MAN2A1: variants seen among roughly 807,000 people sequenced by gnomAD.
MAN2A1 encodes alpha-mannosidase 2.
A neutral mutation model predicts 142.6 loss-of-function variants in MAN2A1; 76 were observed. That is an observed-to-expected ratio of 0.53 (90% confidence interval 0.44 to 0.65). The LOEUF (loss-of-function observed/expected upper bound fraction) is 0.65. Among genes scored for constraint, MAN2A1 ranks in the 30% least tolerant of loss-of-function variants. The pLI, the probability that MAN2A1 is intolerant of heterozygous loss-of-function variation, is 0.00. For missense variants in MAN2A1, 1,311 were observed against 1,365.1 expected, an observed-to-expected ratio of 0.96 and a Z score of 0.62; for synonymous variants, 559 against 473.2, an observed-to-expected ratio of 1.18 and a Z score of -2.35.
chr5:109,709,640 C>A (rs1375579339), intron 1 of MAN2A1, among the ~76,000 whole-genome samples: 1 of 152,174 alleles, frequency 6.6e-6, no homozygotes, highest in African/African-American at 2.4e-5. Flanking sequence ...TGAGTGGTAA[C>A]TGAGCCTGTT....
rs978924831 is a variant in MAN2A1, at chr5:109,855,394, G to T, written c.3171+60G>T. On this transcript the variant is annotated intron_variant, in intron 20 of 21. Coordinates refer to ENST00000261483, the MANE Select transcript of MAN2A1 (RefSeq NM_002372.4). ...GTTTATTATGTACTTGTTTTAAGGG[G>T]GTAAGGAAAGGAGAAAAAAATAATG... 5.6e-6 allele frequency: 6 copies of T among 1,078,536 alleles called. No homozygotes were observed. The African/African-American group carries it at 8.2e-5, about 15-fold the overall frequency. The allele number at this position is 1,078,536 out of a possible 1,614,324, so 66.8% of individuals were successfully genotyped here.
intron 18 of MAN2A1, among the ~76,000 whole-genome samples, chr5:109,846,687 A>G (rs1032933178): frequency 2.0e-5 from 3 of 152,220 alleles, no homozygotes; most frequent in Non-Finnish European, 2.9e-5. Context: ...TGAAGGAGCC[A>G]GATAATAACT....
chr5:109,766,886 A>G (rs1477792612), intron 5 of MAN2A1, among the ~76,000 whole-genome samples: 1 of 152,152 alleles, frequency 6.6e-6, no homozygotes, highest in Non-Finnish European at 1.5e-5. Context: ...ATTGAGATAT[A>G]TCTTTAGTCA....
At chr5:109,846,123 CT>C in intron 18 of MAN2A1, 117 bp downstream of exon 18, 1 of 907,200 alleles carries the variant, frequency 1.1e-6, no homozygotes. Flanking sequence ...TTCTTTTCAG[CT>C]TTTTTCTTTC....
At chr5:109,818,148 T>G (rs1754519391) in intron 13 of MAN2A1, among the ~76,000 whole-genome samples, 1 of 152,046 alleles carries the variant, frequency 6.6e-6, no homozygotes, top group Non-Finnish European at 1.5e-5. Flanking sequence ...TTATTATTAT[T>G]ATTATTTTTG....
chr5:109,801,760 CAGTT>C (rs1298362073), intron 12 of MAN2A1, among the ~76,000 whole-genome samples: 1 of 152,084 alleles, frequency 6.6e-6, no homozygotes, highest in Non-Finnish European at 1.5e-5. Context: ...CAAGACTTAT[CAGTT>C]AGGAAAATCA....
At chr5:109,785,920 A>G (rs1245119091) in intron 10 of MAN2A1, among the ~76,000 whole-genome samples, 1 of 152,146 alleles carries the variant, frequency 6.6e-6, no homozygotes, top group African/African-American at 2.4e-5. Flanking sequence ...AAGCGTATAC[A>G]ACACATAAAA....
At chr5:109,778,245 A>G (rs1306963447) in intron 8 of MAN2A1, among the ~76,000 whole-genome samples, 1 of 151,964 alleles carries the variant, frequency 6.6e-6, no homozygotes, top group Non-Finnish European at 1.5e-5. Context: ...GTATCCAGTA[A>G]CTTTGTTAAA....
At chr5:109,751,949 CTTCTT>C (rs1336278817) in intron 4 of MAN2A1, among the ~76,000 whole-genome samples, 1 of 151,994 alleles carries the variant, frequency 6.6e-6, no homozygotes, top group Non-Finnish European at 1.5e-5. Context: ...TAAACTTACT[CTTCTT>C]TTTCACTTAA....
intron 12 of MAN2A1, among the ~76,000 whole-genome samples, chr5:109,799,524 GC>G (rs1753957940): frequency 1.3e-5 from 2 of 152,144 alleles, no homozygotes; most frequent in African/African-American, 4.8e-5. Flanking sequence ...GGAGGCCAAG[GC>G]GGGCAGATCA....
chr5:109,729,285 G>T, intron 3 of MAN2A1, 57 bp from the exon 4 acceptor site: 2 of 1,106,458 alleles, frequency 1.8e-6, no homozygotes, highest in Non-Finnish European at 2.6e-6. Context: ...GAATGTGACT[G>T]AGTTGAAATC....
At chr5:109,741,996 C>T (rs1752280935) in intron 4 of MAN2A1, among the ~76,000 whole-genome samples, 1 of 152,128 alleles carries the variant, frequency 6.6e-6, no homozygotes, top group Non-Finnish European at 1.5e-5. Context: ...TTAGGCTTCA[C>T]ATTTGAATAT....
chr5:109,836,471 C>G (rs1026676761), intron 16 of MAN2A1, among the ~76,000 whole-genome samples: 1 of 152,170 alleles, frequency 6.6e-6, no homozygotes, highest in African/African-American at 2.4e-5. Context: ...TTTCCTTAGA[C>G]TGGTGCTAAG....
chr5:109,860,232 A>C (rs930228911), intron 20 of MAN2A1, among the ~76,000 whole-genome samples: 1 of 152,210 alleles, frequency 6.6e-6, no homozygotes, highest in Non-Finnish European at 1.5e-5. Flanking sequence ...GTATCTCAGA[A>C]CAGCCATTTA....
At chr5:109,703,941 T>C (rs1582804091) in intron 1 of MAN2A1, among the ~76,000 whole-genome samples, 2 of 152,308 alleles carry the variant, frequency 1.3e-5, no homozygotes, top group Middle Eastern at 6.8e-3. Context: ...GGTTCTAATC[T>C]AAACATACAT....
chr5:109,861,160 G>A (rs1437283210), intron 20 of MAN2A1, among the ~76,000 whole-genome samples: 1 of 152,132 alleles, frequency 6.6e-6, no homozygotes, highest in Non-Finnish European at 1.5e-5. Flanking sequence ...CTACTCCTTA[G>A]TAACATGGAG....
chr5:109,705,003 T>C (rs752747598), intron 1 of MAN2A1, among the ~76,000 whole-genome samples: 1 of 152,162 alleles, frequency 6.6e-6, no homozygotes, highest in Non-Finnish European at 1.5e-5. Context: ...ACCATTCAGC[T>C]ATCTAATAGT....
chr5:109,734,371 T>A (rs1182690982), intron 4 of MAN2A1, among the ~76,000 whole-genome samples: 2 of 152,026 alleles, frequency 1.3e-5, no homozygotes, highest in African/African-American at 2.4e-5. Flanking sequence ...TCTATCTCCT[T>A]CAGTTCTGCT....
intron 1 of MAN2A1, among the ~76,000 whole-genome samples, chr5:109,705,611 A>G (rs1054256998): frequency 5.3e-5 from 8 of 152,216 alleles, no homozygotes; most frequent in African/African-American, 1.9e-4. Context: ...CTATTTGCTA[A>G]GTATATTAGT....
Sources: gnomAD v4.1 joint callset for allele counts (sites outside exome capture counted in the v4.1 genomes callset) on GRCh38, gnomAD v4.1.1 for gene constraint, MANE v1.5 for transcripts, NCBI Gene and HGNC (gene_info 2026-07-23, HGNC 2026-07-21) for gene names.